Variants in EBF4 observed in about 807,000 individuals in gnomAD.
EBF4 encodes the protein transcription factor COE4.
Under a neutral mutation model 67.1 loss-of-function variants are expected in EBF4, and 34 were observed. The observed-to-expected ratio is 0.51, with a 90% CI of 0.39 to 0.67. The LOEUF is 0.67. EBF4 is among the 30% of genes least tolerant of loss of function. EBF4 has a pLI of 0.00. For missense variants in EBF4, 837 were observed against 873.3 expected, an observed-to-expected ratio of 0.96 and a Z score of 0.52; for synonymous variants, 387 against 377.7, an observed-to-expected ratio of 1.02 and a Z score of -0.29.
intron 1 of EBF4, among the ~76,000 whole-genome samples, chr20:2,694,076 G>A (rs911012219): frequency 1.3e-5 from 2 of 152,236 alleles, no homozygotes; most frequent in Non-Finnish European, 2.9e-5. Context: ...TCTGAGAGAA[G>A]AGGCAGAGCT....
At chr20:2,706,445 G>C (rs1405468372) in intron 4 of EBF4, among the ~76,000 whole-genome samples, 181 bp downstream of exon 4, 1 of 152,146 alleles carries the variant, frequency 6.6e-6, no homozygotes, top group East Asian at 1.9e-4. Flanking sequence ...TTTGCCCTCT[G>C]TTCTAGAAAA....
Position 2,751,551 on chromosome 20 carries a change from T to G in EBF4, c.1019-149T>G. 1 of 728,978 alleles carries G rather than the reference T, an allele frequency of 1.4e-6. No homozygotes were observed. The highest frequency in any genetic ancestry group is 4.0e-4 in the Middle Eastern group (1 of 2,508). The allele number at this position is 728,978 out of a possible 1,614,324, so 45.2% of individuals were successfully genotyped here. A position where few individuals can be genotyped will look rare whatever the true frequency, so the allele number is the denominator to read the frequency against. The stretch of plus-strand genomic sequence containing the variant: ...ATCTCGCTGCCGGGGGTGCCTGGAG[T>G]TTTCCGGGGGACTTGGGCTGGGCCT... On this transcript the variant is annotated intron_variant, in intron 10 of 16. Transcript: ENST00000609451. The surrounding 1 kb of genome is among the most constrained non-coding windows in gnomAD (Gnocchi z 5.2).
At chr20:2,699,089 G>A (rs1280293985) in intron 1 of EBF4, among the ~76,000 whole-genome samples, 1 of 152,198 alleles carries the variant, frequency 6.6e-6, no homozygotes, top group Admixed American at 6.5e-5. Flanking sequence ...GCAGGGGAGA[G>A]CAGCTGCCGC....
rs140904037 is a variant in EBF4, at chr20:2,728,860, G to T, written c.557+19218G>T. Among the ~76,000 whole-genome samples, 856 of 152,014 alleles carry T rather than the reference G, an allele frequency of 5.6e-3. 8 individuals carry two copies. The highest frequency in any genetic ancestry group is 0.019 in the African/African-American group (797 of 41,452). On this transcript the variant is annotated intron_variant, in intron 6 of 16. Transcript: ENST00000609451. The stretch of plus-strand genomic sequence containing the variant: ...AATCTTTAGCATTCCTTCAATGGTG[G>T]GAATGGGCAACAGATCACCATAGTA...
intron 6 of EBF4, among the ~76,000 whole-genome samples, chr20:2,717,159 C>T (rs770202868): frequency 5.9e-5 from 9 of 152,162 alleles, no homozygotes; most frequent in East Asian, 1.9e-4. Context: ...TTTTCAATAA[C>T]GGCCACAAAT....
chr20:2,737,920 G>A (rs1045988754), intron 6 of EBF4, among the ~76,000 whole-genome samples: 14 of 150,738 alleles, frequency 9.3e-5, no homozygotes, highest in African/African-American at 2.0e-4. Context: ...AGCCGAGATC[G>A]CGCCATTGCA....
chr20:2,736,756 A>G (rs1259667080), intron 6 of EBF4, among the ~76,000 whole-genome samples: 1 of 152,150 alleles, frequency 6.6e-6, no homozygotes, highest in African/African-American at 2.4e-5. Context: ...GAGAGGGAGA[A>G]GCAGAGGGGG....
chr20:2,692,926 C>A, upstream of EBF4: 1 of 146,204 alleles, frequency 6.8e-6, no homozygotes, highest in Non-Finnish European at 1.5e-5. The surrounding 1 kb of genome is among the most constrained non-coding windows in gnomAD (Gnocchi z 6.4). Context: ...GGGAGTCGGC[C>A]GGGCTGCTGC....
At chr20:2,752,399 C>T (rs2088168264) in exon 14 of EBF4, 3 of 1,268,150 alleles carry the variant, frequency 2.4e-6, no homozygotes, top group Admixed American at 7.6e-5. Flanking sequence ...CGCGGGTTCG[C>T]GCCCAGCCCC....
intron 6 of EBF4, among the ~76,000 whole-genome samples, chr20:2,728,043 A>T (rs550629372): frequency 6.6e-6 from 1 of 152,326 alleles, no homozygotes; most frequent in East Asian, 1.9e-4. Flanking sequence ...TGTCACTTTT[A>T]TTGAAATCAT....
At chr20:2,722,993 T>C (rs1253052281) in intron 6 of EBF4, among the ~76,000 whole-genome samples, 1 of 152,232 alleles carries the variant, frequency 6.6e-6, no homozygotes, top group African/African-American at 2.4e-5. Context: ...TTACTTATAA[T>C]TGTCTGCTTG....
intron 6 of EBF4, among the ~76,000 whole-genome samples, chr20:2,721,246 C>CTTTTTTTTTTTTT (rs146844927): frequency 8.3e-5 from 9 of 108,076 alleles, no homozygotes; most frequent in African/African-American, 1.4e-4. Context: ...TGATTCTCTT[C>CTTTTTTTTTTTTT]TTTTTTTTTT....
chr20:2,695,254 G>T (rs2087271686), intron 1 of EBF4, among the ~76,000 whole-genome samples: 2 of 152,206 alleles, frequency 1.3e-5, no homozygotes, highest in Middle Eastern at 6.8e-3. Flanking sequence ...GGGAGTTAAG[G>T]TTCCATTTCT....
exon 8 of EBF4, chr20:2,749,451 C>G: frequency 1.3e-6 from 2 of 1,548,374 alleles, no homozygotes; most frequent in Non-Finnish European, 8.7e-7. Flanking sequence ...TGGCCGTGTC[C>G]GACAACATGT....
chr20:2,755,545 C>T lies in EBF4; in HGVS notation c.1541-82C>T. 1 of 734,918 alleles carries T rather than the reference C, an allele frequency of 1.4e-6. No individual in the cohort carries two copies. The highest frequency in any genetic ancestry group is 2.7e-5 in the East Asian group (1 of 37,246). The allele number at this position is 734,918 out of a possible 1,614,324, so 45.5% of individuals were successfully genotyped here. ...CAGCCCATGTGGGGCCCCAGCCAAG[C>T]TGCTCACTCTGGTGCTGTCTCCCTG... On this transcript the variant is annotated intron_variant, in intron 14 of 16. Coordinates refer to ENST00000609451, the Ensembl canonical transcript of EBF4. The surrounding 1 kb of genome is among the most constrained non-coding windows in gnomAD (Gnocchi z 4.7).
chr20:2,698,536 G>A (rs1017418653), intron 1 of EBF4, among the ~76,000 whole-genome samples: 7 of 152,200 alleles, frequency 4.6e-5, no homozygotes, highest in South Asian at 4.1e-4. Flanking sequence ...CTGCAGGGGA[G>A]AGCAGGGGCC....
chr20:2,732,127 G>T (rs764665746), intron 6 of EBF4, among the ~76,000 whole-genome samples: 1 of 151,324 alleles, frequency 6.6e-6, no homozygotes. Flanking sequence ...TTTGAGACAG[G>T]GTCTCACTCC....
chr20:2,753,063 G>T lies in EBF4; in HGVS notation c.1540+518G>T, dbSNP rs528347005. Among the ~76,000 whole-genome samples the T allele has an allele frequency of 2.8e-4, 42 of 152,376 alleles. No individual in the cohort carries two copies. In the South Asian group the frequency reaches 8.3e-3, roughly 30 times the overall value. On this transcript the variant is annotated intron_variant, in intron 14 of 16. Transcript: ENST00000609451. ...CCCGCGATGTCGTCCGGCAGAGCGA[G>T]CGAGTTCTGTGTGATCAGACAGAAT...
intron 5 of EBF4, among the ~76,000 whole-genome samples, chr20:2,709,042 C>A (rs138434758): frequency 1.3e-5 from 2 of 152,236 alleles, no homozygotes; most frequent in East Asian, 3.9e-4. Context: ...AAAAATTAGC[C>A]AGGCGTGGTG....
Sources: allele counts gnomAD v4.1 joint callset (sites outside exome capture counted in the v4.1 genomes callset), GRCh38; gene constraint gnomAD v4.1.1; non-coding constraint Gnocchi (gnomAD v3.1); transcripts MANE v1.5; gene names NCBI Gene and HGNC (gene_info 2026-07-23, HGNC 2026-07-21).